KIF1B: variants seen among roughly 807,000 people sequenced by gnomAD.
KIF1B encodes the protein kinesin family member 1B.
Under a neutral mutation model 241.9 loss-of-function variants are expected in KIF1B, and 76 were observed. The ratio of observed to expected loss-of-function variants is 0.31; its 90% CI spans 0.26 to 0.38. KIF1B has a LOEUF of 0.38. KIF1B is among the 10% of genes least tolerant of loss of function. The pLI, the probability that KIF1B is intolerant of heterozygous loss-of-function variation, is 1.00. For synonymous variants in KIF1B, 750 were observed against 796.7 expected (o/e 0.94, Z 0.99); for missense variants, 1,622 against 2,271.4 (o/e 0.71, Z 5.81).
chr1:10,325,572 A>G (rs1258988317), intron 26 of KIF1B, among the ~76,000 whole-genome samples: 1 of 152,210 alleles, frequency 6.6e-6, no homozygotes, highest in Non-Finnish European at 1.5e-5. Context: ...AAGTCATAGT[A>G]TGTTGTGGAA....
intron 38 of KIF1B, among the ~76,000 whole-genome samples, chr1:10,356,305 C>T (rs1638243476): frequency 6.6e-6 from 1 of 151,918 alleles, no homozygotes; most frequent in Non-Finnish European, 1.5e-5. Flanking sequence ...GCGGAGGTTG[C>T]AGTGAGCCGA....
At chr1:10,235,511 C>G (rs911444784) in intron 2 of KIF1B, among the ~76,000 whole-genome samples, 3 of 152,176 alleles carry the variant, frequency 2.0e-5, no homozygotes, top group African/African-American at 7.2e-5. Flanking sequence ...CCTTGGCCTC[C>G]CAGAGTGCTG....
intron 1 of KIF1B, among the ~76,000 whole-genome samples, chr1:10,225,141 C>T (rs1314559689): frequency 6.6e-6 from 1 of 152,162 alleles, no homozygotes; most frequent in East Asian, 1.9e-4. Flanking sequence ...GGCCACAGAC[C>T]TGTACCACTC....
At chr1:10,275,726 ACT>A (rs1364553043) in intron 11 of KIF1B, among the ~76,000 whole-genome samples, 1 of 152,086 alleles carries the variant, frequency 6.6e-6, no homozygotes, top group African/African-American at 2.4e-5. Context: ...CAGGGCATGA[ACT>A]GTGCAGTAGT....
intron 22 of KIF1B, among the ~76,000 whole-genome samples, chr1:10,309,396 T>C (rs1046238251): frequency 1.3e-5 from 2 of 152,204 alleles, no homozygotes; most frequent in Admixed American, 6.5e-5. Context: ...GTGTGATATG[T>C]GTAGTGACAC....
chr1:10,302,309 TA>T (rs201163386), intron 22 of KIF1B, among the ~76,000 whole-genome samples: 7 of 151,008 alleles, frequency 4.6e-5, no homozygotes, highest in African/African-American at 1.5e-4. Flanking sequence ...GAGGATCCTT[TA>T]AAAAAAAAGC....
intron 22 of KIF1B, among the ~76,000 whole-genome samples, chr1:10,298,504 G>A (rs1484320904): frequency 6.6e-6 from 1 of 152,178 alleles, no homozygotes; most frequent in East Asian, 1.9e-4. Flanking sequence ...CAAGATAATA[G>A]CAGTGTTACC....
chr1:10,213,203 T>C (rs1481748993), intron 1 of KIF1B, among the ~76,000 whole-genome samples: 2 of 152,122 alleles, frequency 1.3e-5, no homozygotes, highest in Non-Finnish European at 2.9e-5. Context: ...TGATTAAAAA[T>C]AATTTCAGCA....
chr1:10,227,094 G>A (rs972141701), intron 1 of KIF1B, among the ~76,000 whole-genome samples: 1 of 139,228 alleles, frequency 7.2e-6, no homozygotes, highest in Non-Finnish European at 1.5e-5. Flanking sequence ...GGAGTGCAGT[G>A]GTGCGATCTC....
intron 18 of KIF1B, 87 bp from the exon 19 acceptor site, chr1:10,295,573 A>C: frequency 1.6e-6 from 2 of 1,213,632 alleles, no homozygotes; most frequent in Non-Finnish European, 2.4e-6. Flanking sequence ...TACGTACCAA[A>C]GGATATTCTT....
chr1:10,306,757 T>TAAAAA (rs745772393), intron 22 of KIF1B: 120 of 566,666 alleles, frequency 2.1e-4, no homozygotes, highest in East Asian at 7.9e-4. Context: ...AACCTGTCTT[T>TAAAAA]AAAAAAAAAA....
intron 22 of KIF1B, among the ~76,000 whole-genome samples, chr1:10,314,040 G>T (rs115297149): frequency 0.019 from 2,900 of 151,352 alleles, 50 homozygotes; most frequent in Non-Finnish European, 0.028. Flanking sequence ...ATTACGGCAT[G>T]TGCCACCATG....
rs1259719121 is a variant in KIF1B at position 10,376,899 on chromosome 1, G to A, written c.*312G>A. The stretch of plus-strand genomic sequence containing the variant: ...GACAAAAACACAAAAACTCTGAGGG[G>A]ATCTGGTGAATCTCCAAATTATTGT... On this transcript the variant is annotated 3_prime_UTR_variant, in exon 49 of 49. Transcript: ENST00000676179. 2 of 423,790 alleles carry A rather than the reference G, an allele frequency of 4.7e-6. No individual in the cohort carries two copies. The highest frequency in any genetic ancestry group is 8.9e-6 in the Non-Finnish European group (2 of 225,666). 26.3% of individuals were successfully genotyped at this position (423,790 alleles called of 1,614,324 possible).
intron 22 of KIF1B, among the ~76,000 whole-genome samples, chr1:10,298,448 A>G (rs1276024968): frequency 1.3e-5 from 2 of 152,206 alleles, no homozygotes; most frequent in East Asian, 3.8e-4. Context: ...AATTATAGTA[A>G]AGCCCTAAAA....
At chr1:10,251,966 G>C (rs1210204283) in intron 2 of KIF1B, among the ~76,000 whole-genome samples, 1 of 152,074 alleles carries the variant, frequency 6.6e-6, no homozygotes, top group African/African-American at 2.4e-5. Flanking sequence ...CGTTTTCTTG[G>C]TAGAGTTTGT....
chr1:10,238,287 A>G (rs1388004421), intron 2 of KIF1B, among the ~76,000 whole-genome samples: 1 of 150,750 alleles, frequency 6.6e-6, no homozygotes, highest in Non-Finnish European at 1.5e-5. Flanking sequence ...AGGCTGAGGC[A>G]GGAGAATAAC....
intron 1 of KIF1B, among the ~76,000 whole-genome samples, chr1:10,230,449 T>G (rs1448346475): frequency 2.6e-5 from 4 of 151,850 alleles, no homozygotes; most frequent in East Asian, 1.9e-4. Context: ...TTTCTTTTTT[T>G]TTTTGAGACG....
chr1:10,268,345 T>C, intron 7 of KIF1B, 82 bp downstream of exon 7: 1 of 923,094 alleles, frequency 1.1e-6, no homozygotes, highest in Non-Finnish European at 1.8e-6. Context: ...CTGCTTTTTG[T>C]GGAAGGTTGG....
In KIF1B at chr1:10,365,282, T is replaced by C. The variant is rs898914547; in HGVS notation, c.4512+37T>C. On this transcript the variant is annotated intron_variant, in intron 42 of 48. Coordinates refer to ENST00000676179, the MANE Select transcript of KIF1B (RefSeq NM_001365951.3). The surrounding 1 kb of genome is among the most constrained non-coding windows in gnomAD (Gnocchi z 4.0). ...CAGGGTTGTTCAGATGCAAGAACTC[T>C]CGGACAAGATTGCCAAAGTATCAGT... 3.1e-6 allele frequency: 5 copies of C among 1,613,566 alleles called. No homozygotes were observed. The highest frequency in any genetic ancestry group is 4.2e-6 in the Non-Finnish European group (5 of 1,179,730).
Sources: allele counts gnomAD v4.1 joint callset (sites outside exome capture counted in the v4.1 genomes callset), GRCh38; gene constraint gnomAD v4.1.1; non-coding constraint Gnocchi (gnomAD v3.1); transcripts MANE v1.5; gene names NCBI Gene and HGNC (gene_info 2026-07-23, HGNC 2026-07-21).